LRRTM4: variants seen among roughly 807,000 people sequenced by gnomAD.
The protein encoded by LRRTM4 is leucine-rich repeat transmembrane neuronal protein 4.
LRRTM4 carries 25 observed loss-of-function variants against 47.6 expected under a neutral mutation model. The observed-to-expected ratio is 0.53, with a 90% CI of 0.38 to 0.73. The LOEUF (loss-of-function observed/expected upper bound fraction) is 0.73. Ranked by LOEUF, LRRTM4 falls within the 30% of genes least tolerant of loss-of-function variation. The pLI is 0.00. For missense variants in LRRTM4, 638 were observed against 713.4 expected, an observed-to-expected ratio of 0.89 and a Z score of 1.20; for synonymous variants, 311 against 269.5, an observed-to-expected ratio of 1.15 and a Z score of -1.51.
chr2:77,328,704 G>C (rs1258138161), intron 3 of LRRTM4, among the ~76,000 whole-genome samples: 1 of 152,186 alleles, frequency 6.6e-6, no homozygotes, highest in Non-Finnish European at 1.5e-5. Flanking sequence ...TACAAGTGCT[G>C]TCGTTGGGAG....
intron 3 of LRRTM4, among the ~76,000 whole-genome samples, chr2:76,757,727 C>T (rs1045816413): frequency 6.6e-6 from 1 of 152,088 alleles, no homozygotes; most frequent in African/African-American, 2.4e-5. Context: ...ACATAACTTT[C>T]TCCTTTGTGA....
intron 3 of LRRTM4, among the ~76,000 whole-genome samples, chr2:76,959,965 G>C (rs1377391444): frequency 6.6e-6 from 1 of 151,180 alleles, no homozygotes; most frequent in Non-Finnish European, 1.5e-5. Flanking sequence ...ATAGCCACTG[G>C]TTTACTCTGT....
intron 3 of LRRTM4, among the ~76,000 whole-genome samples, chr2:77,207,372 T>TATATATATATATACACACACACAC (rs59335400): frequency 7.6e-6 from 1 of 131,108 alleles, no homozygotes; most frequent in East Asian, 2.7e-4. Context: ...TATATATATA[T>TATATATATATATACACACACACAC]ACACACACAC....
intron 3 of LRRTM4, among the ~76,000 whole-genome samples, chr2:77,477,338 C>A (rs1677444164): frequency 6.6e-6 from 1 of 152,086 alleles, no homozygotes; most frequent in Non-Finnish European, 1.5e-5. Flanking sequence ...ATCAGAAATA[C>A]TCTCATGCTG....
rs557075667 is a variant in LRRTM4, at chr2:77,029,887, G to C, written c.1552-280971C>G. On this transcript the variant is annotated intron_variant, in intron 3 of 3. Transcript: ENST00000409884. ...TTACAGTCTGACAGGTTTCAGTGGTGACCAAAATCCTAGGGACTCAGGGGG... is the reference window on the plus strand; with the variant it reads ...TTACAGTCTGACAGGTTTCAGTGGTCACCAAAATCCTAGGGACTCAGGGGG... Among the ~76,000 whole-genome samples, 3 of 152,202 alleles carry C rather than the reference G, an allele frequency of 2.0e-5. No homozygotes were observed. The East Asian group carries it at 5.8e-4, about 30-fold the overall frequency.
intron 3 of LRRTM4, among the ~76,000 whole-genome samples, chr2:77,363,991 C>T (rs754494301): frequency 2.0e-5 from 3 of 152,028 alleles, no homozygotes; most frequent in South Asian, 2.1e-4. Flanking sequence ...ACCACAGTTA[C>T]GAAATTACTG....
At chr2:77,394,291 A>C (rs139797993) in intron 3 of LRRTM4, among the ~76,000 whole-genome samples, 1 of 152,022 alleles carries the variant, frequency 6.6e-6, no homozygotes, top group Non-Finnish European at 1.5e-5. Context: ...AGAAATAATC[A>C]TTATAGCATT....
At chr2:77,410,101 A>T (rs394528) in intron 3 of LRRTM4, among the ~76,000 whole-genome samples, 17,463 of 152,084 alleles carry the variant, frequency 0.11, 1,182 homozygotes, top group East Asian at 0.17. Flanking sequence ...ATCTATATCC[A>T]TATCTACATT....
In LRRTM4 at chr2:77,086,367, G is replaced by T. The variant is rs373401081; in HGVS notation, c.1552-337451C>A. On this transcript the variant is annotated intron_variant, in intron 3 of 3. Coordinates refer to ENST00000409884, the MANE Select transcript of LRRTM4 (RefSeq NM_001134745.3). ...ATGCTTTTCACCAACATAATTTGTT[G>T]TGTCTTAAATTTTGCATATTTTTTA... is the stretch of plus-strand genomic sequence containing the variant. Among the ~76,000 whole-genome samples, 6 of 151,336 alleles carry T rather than the reference G, an allele frequency of 4.0e-5. No homozygotes were observed. In the South Asian group the frequency reaches 1.2e-3, roughly 31 times the overall value.
intron 3 of LRRTM4, among the ~76,000 whole-genome samples, chr2:77,205,051 C>A (rs1674080928): frequency 6.6e-6 from 1 of 152,182 alleles, no homozygotes; most frequent in East Asian, 1.9e-4. Context: ...TTTTGGAAAT[C>A]ATAAGTGTGA....
chr2:77,245,905 C>T (rs1354841505), intron 3 of LRRTM4, among the ~76,000 whole-genome samples: 1 of 152,116 alleles, frequency 6.6e-6, no homozygotes, highest in Non-Finnish European at 1.5e-5. Context: ...CTGCATGAAT[C>T]TTGCAGGAGA....
At chr2:76,920,787 C>G (rs190342728) in intron 3 of LRRTM4, among the ~76,000 whole-genome samples, 5 of 152,194 alleles carry the variant, frequency 3.3e-5, no homozygotes, top group African/African-American at 1.2e-4. Context: ...CTACTTCATT[C>G]GCTAAAGCCC....
chr2:76,865,740 A>C (rs1672448266), intron 3 of LRRTM4, among the ~76,000 whole-genome samples: 1 of 152,184 alleles, frequency 6.6e-6, no homozygotes, highest in African/African-American at 2.4e-5. Context: ...ATAGATATTG[A>C]CTACATAAAA....
intron 3 of LRRTM4, among the ~76,000 whole-genome samples, chr2:77,293,746 A>T (rs1676894624): frequency 6.6e-6 from 1 of 152,136 alleles, no homozygotes; most frequent in Non-Finnish European, 1.5e-5. Context: ...TCATGTGACT[A>T]ACTTAAGGGC....
intron 3 of LRRTM4, among the ~76,000 whole-genome samples, chr2:76,767,049 T>A (rs1173424703): frequency 6.6e-6 from 1 of 152,042 alleles, no homozygotes; most frequent in Non-Finnish European, 1.5e-5. Context: ...AGTGGAGTGG[T>A]AAGAGATTCC....
At chr2:77,409,311 G>C (rs1192099494) in intron 3 of LRRTM4, among the ~76,000 whole-genome samples, 2 of 152,034 alleles carry the variant, frequency 1.3e-5, no homozygotes, top group African/African-American at 4.8e-5. Context: ...ATTTTCTTAC[G>C]GTTCTAGAGG....
intron 3 of LRRTM4, among the ~76,000 whole-genome samples, chr2:77,112,638 T>C (rs1268473868): frequency 6.6e-6 from 1 of 152,074 alleles, no homozygotes; most frequent in African/African-American, 2.4e-5. Context: ...ATAAGCTTTT[T>C]TTTTTGAGGT....
chr2:76,927,431 G>C (rs2103823783), intron 3 of LRRTM4, among the ~76,000 whole-genome samples: 1 of 152,230 alleles, frequency 6.6e-6, no homozygotes, highest in South Asian at 2.1e-4. Flanking sequence ...ATTCTTACAG[G>C]TCAAGTGTGA....
chr2:76,762,997 A>G (rs1158803823), intron 3 of LRRTM4, among the ~76,000 whole-genome samples: 1 of 152,202 alleles, frequency 6.6e-6, no homozygotes, highest in East Asian at 1.9e-4. Context: ...CTGGTTGTGC[A>G]AGTAGAGTCT....
Sources: gnomAD v4.1 joint callset for allele counts (sites outside exome capture counted in the v4.1 genomes callset) on GRCh38, gnomAD v4.1.1 for gene constraint, MANE v1.5 for transcripts, NCBI Gene and HGNC (gene_info 2026-07-23, HGNC 2026-07-21) for gene names.